Variants in DNASE1L3 observed in about 807,000 individuals in gnomAD.
The protein encoded by DNASE1L3 is deoxyribonuclease gamma.
Under a neutral mutation model 30.9 loss-of-function variants are expected in DNASE1L3, and 27 were observed. That is an observed-to-expected ratio of 0.87 (90% CI 0.64 to 1.20). DNASE1L3 has a LOEUF of 1.20. Among genes scored for constraint, DNASE1L3 ranks in the 50% most tolerant of loss-of-function variants. DNASE1L3 has a pLI of 0.00. For synonymous variants in DNASE1L3, 135 were observed against 138.0 expected, an observed-to-expected ratio of 0.98 and a Z score of 0.15; for missense variants, 364 against 378.2, an observed-to-expected ratio of 0.96 and a Z score of 0.31.
chr3:58,207,696 C>G (rs2097405045), intron 2 of DNASE1L3: 1 of 152,472 alleles, frequency 6.6e-6, no homozygotes, highest in African/African-American at 2.4e-5. Flanking sequence ...GGGTCTTGCT[C>G]TGTGGCCCAG....
At chr3:58,202,811 C>T (rs1298738509) in intron 4 of DNASE1L3, among the ~76,000 whole-genome samples, 1 of 151,660 alleles carries the variant, frequency 6.6e-6, no homozygotes, top group Non-Finnish European at 1.5e-5. Context: ...CTAGATCACG[C>T]CACTGCACTC....
At chr3:58,199,220 T>C (rs2097399118) in intron 5 of DNASE1L3, among the ~76,000 whole-genome samples, 1 of 152,220 alleles carries the variant, frequency 6.6e-6, no homozygotes. Context: ...ACATTCACTA[T>C]GTGCCAGGCC....
rs550648967 is a variant in DNASE1L3, at chr3:58,200,737, A to C, written c.546+260T>G. 6.6e-6 allele frequency among the ~76,000 whole-genome samples: 1 copy of C among 152,342 alleles called. No individual in the cohort carries two copies. Among genetic ancestry groups the C allele is most frequent in the South Asian group, 2.1e-4 (1 of 4,822 alleles). On this transcript the variant is annotated intron_variant, in intron 5 of 7. Coordinates refer to ENST00000394549, the MANE Select transcript of DNASE1L3 (RefSeq NM_004944.4). The surrounding 1 kb of genome is among the most constrained non-coding windows in gnomAD (Gnocchi z 4.2). ...GTCAAGTCTCAGCACAGTGCCTGGC[A>C]CTAGCTATTCACTCAGTAAATGTTG... is the stretch of plus-strand genomic sequence containing the variant.
rs771697274 is a variant in DNASE1L3 at position 58,197,817 on chromosome 3, C to T, written c.704+4G>A. The T allele has an allele frequency of 3.4e-5, 55 of 1,613,534 alleles. No homozygotes were observed. Among genetic ancestry groups the T allele is most frequent in the Non-Finnish European group, 4.2e-5 (49 of 1,180,024 alleles). On this transcript the variant is annotated splice_donor_region_variant and intron_variant, in intron 6 of 7. Coordinates refer to ENST00000394549, the MANE Select transcript of DNASE1L3 (RefSeq NM_004944.4). This position sits in a 1 kb window ranked among gnomAD's most constrained non-coding sequence, Gnocchi z 5.3. ...AGCCAGCAGCACCCTGCAGGGCCTCCTACCTGTCATATGCACAGTTGGTGC... is the reference window on the plus strand; with the variant it reads ...AGCCAGCAGCACCCTGCAGGGCCTCTTACCTGTCATATGCACAGTTGGTGC...
In DNASE1L3 at chr3:58,206,734, A is replaced by T. The variant is rs1447316911; in HGVS notation, c.231-1174T>A. 2.0e-5 allele frequency among the ~76,000 whole-genome samples: 3 copies of T among 152,132 alleles called. No individual in the cohort carries two copies. In the East Asian group the frequency reaches 5.8e-4, roughly 29 times the overall value. ...CAGTCCCCCACAAACCTGTCCCCTC[A>T]GTCTCCCATAAACCTGACTGGGGAC... On this transcript the variant is annotated intron_variant, in intron 2 of 7. Coordinates refer to ENST00000394549, the MANE Select transcript of DNASE1L3 (RefSeq NM_004944.4).
intron 5 of DNASE1L3, among the ~76,000 whole-genome samples, chr3:58,198,240 C>G (rs981544488): frequency 6.6e-6 from 1 of 152,152 alleles, no homozygotes; most frequent in African/African-American, 2.4e-5. Context: ...TGGATGGGCT[C>G]TAATCCAATA....
chr3:58,209,990 T>C (rs145708595), intron 1 of DNASE1L3, among the ~76,000 whole-genome samples: 80 of 152,112 alleles, frequency 5.3e-4, no homozygotes, highest in African/African-American at 1.7e-3. Flanking sequence ...CCCCGGACAT[T>C]GGGTATATCA....
Position 58,192,336 on chromosome 3 carries a change from G to C in DNASE1L3, c.*351C>G, listed in dbSNP as rs2097394743. On this transcript the variant is annotated 3_prime_UTR_variant, in exon 8 of 8. Coordinates refer to ENST00000394549, the MANE Select transcript of DNASE1L3 (RefSeq NM_004944.4). The surrounding 1 kb of genome is among the most constrained non-coding windows in gnomAD (Gnocchi z 4.8). ...GTTTCTGGTCATTGCGTGTGGAACA[G>C]GACCCCTCATGAGGACTGAAAGCTG... 1 of 181,380 alleles carries C rather than the reference G, an allele frequency of 5.5e-6. No individual in the cohort carries two copies. Among genetic ancestry groups the C allele is most frequent in the African/African-American group, 2.4e-5 (1 of 41,780 alleles). The allele number at this position is 181,380 out of a possible 1,614,324, so 11.2% of individuals were successfully genotyped here. A position where few individuals can be genotyped will look rare whatever the true frequency, so the allele number is the denominator to read the frequency against.
Position 58,192,483 on chromosome 3 carries a change from CT to C in DNASE1L3, c.*203del. The C allele has an allele frequency of 2.2e-6, 1 of 464,086 alleles. No homozygotes were observed. The highest frequency in any genetic ancestry group is 3.7e-6 in the Non-Finnish European group (1 of 271,858). The allele number at this position is 464,086 out of a possible 1,614,324, so 28.7% of individuals were successfully genotyped here. A position where few individuals can be genotyped will look rare whatever the true frequency, so the allele number is the denominator to read the frequency against. ...TTGGTCTACAAATGCCCCTGGTTCCCTTTTAGACAATTCAGGGGAGGTATGA... is the reference window on the plus strand; with the variant it reads ...TTGGTCTACAAATGCCCCTGGTTCCCTTTAGACAATTCAGGGGAGGTATGA... On this transcript the variant is annotated 3_prime_UTR_variant, in exon 8 of 8. Coordinates refer to ENST00000394549, the MANE Select transcript of DNASE1L3 (RefSeq NM_004944.4). This position sits in a 1 kb window ranked among gnomAD's most constrained non-coding sequence, Gnocchi z 4.8.
At chr3:58,199,759 C>T (rs545670176) in intron 5 of DNASE1L3, among the ~76,000 whole-genome samples, 2 of 152,160 alleles carry the variant, frequency 1.3e-5, no homozygotes, top group African/African-American at 4.8e-5. Flanking sequence ...TCCCCACAGC[C>T]CAACACTCAA....
Position 58,200,986 on chromosome 3 carries a change from G to C in DNASE1L3, c.546+11C>G. The stretch of plus-strand genomic sequence containing the variant: ...GCTAGATGGGAATTCGTCTGACACA[G>C]CAGTCCTCACCTCCGCCTTCCAGCG... On this transcript the variant is annotated intron_variant, in intron 5 of 7. Transcript: ENST00000394549. This position sits in a 1 kb window ranked among gnomAD's most constrained non-coding sequence, Gnocchi z 4.2. 6.2e-7 allele frequency: 1 copy of C among 1,607,200 alleles called. No individual in the cohort carries two copies. The highest frequency in any genetic ancestry group is 1.7e-5 in the Admixed American group (1 of 59,632).
rs2074125928 is a variant in DNASE1L3, at chr3:58,210,854, G to A, written c.53C>T (p.Ala18Val). The A allele has an allele frequency of 1.2e-6, 2 of 1,614,148 alleles. No homozygotes were observed. The highest frequency in any genetic ancestry group is 1.7e-5 in the Admixed American group (1 of 60,028). ...LLLLLLSIHS[A>V]LAMRICSFNV... ...GAAGGAGCAGATCCTCATGGCCAGG[G>A]CGCTGTGGATGGAGAGGAGGAGAAG... The change falls in exon 1 of 8, where the codon GCC (alanine) becomes GTC (valine). Residue 18 changes from alanine (A) to valine (V), a missense_variant. Ala to Val is a moderately conservative substitution (Grantham distance 64). Transcript: ENST00000394549.
intron 6 of DNASE1L3, among the ~76,000 whole-genome samples, chr3:58,193,969 G>A (rs1043007422): frequency 1.2e-4 from 18 of 152,056 alleles, no homozygotes; most frequent in Non-Finnish European, 2.4e-4. Context: ...TTCAATTTAT[G>A]GCAAATGCTG....
chr3:58,209,424 T>C (rs1181831251), intron 1 of DNASE1L3, among the ~76,000 whole-genome samples: 1 of 152,188 alleles, frequency 6.6e-6, no homozygotes, highest in Non-Finnish European at 1.5e-5. Context: ...GGGAAAATCA[T>C]TGCCTTGCAT....
intron 4 of DNASE1L3, among the ~76,000 whole-genome samples, chr3:58,204,175 C>G (rs977177064): frequency 6.7e-6 from 1 of 150,052 alleles, no homozygotes; most frequent in Non-Finnish European, 1.5e-5. Flanking sequence ...GAGTCTCACT[C>G]TATCGCCCAA....
chr3:58,198,112 C>T lies in DNASE1L3; in HGVS notation c.547-134G>A, dbSNP rs184076070. Reference sequence around the variant, plus strand: ...TGTTATGGGCTGAATCTTGTCTACCCCCTGCTCCCGCCCCGGCCAAATTCC... The same window carrying T: ...TGTTATGGGCTGAATCTTGTCTACCTCCTGCTCCCGCCCCGGCCAAATTCC... On this transcript the variant is annotated intron_variant, in intron 5 of 7. Transcript: ENST00000394549. 4.8e-6 allele frequency: 5 copies of T among 1,041,650 alleles called. No homozygotes were observed. In the East Asian group the frequency reaches 1.1e-4, roughly 22 times the overall value. The allele number at this position is 1,041,650 out of a possible 1,614,324, so 64.5% of individuals were successfully genotyped here. A position where few individuals can be genotyped will look rare whatever the true frequency, so the allele number is the denominator to read the frequency against.
At position 58,195,309 on chromosome 3, in the gene DNASE1L3, A is replaced by T. The variant is rs972130791; in HGVS notation, c.705-1870T>A. 2.6e-5 allele frequency among the ~76,000 whole-genome samples: 4 copies of T among 152,260 alleles called. No homozygotes were observed. The East Asian group carries it at 7.7e-4, about 29-fold the overall frequency. ...ACTTTTTATTTTATTGTATTGAGAC[A>T]GGTCTCACTATGTTGTCCAGGCTGG... is the stretch of plus-strand genomic sequence containing the variant. On this transcript the variant is annotated intron_variant, in intron 6 of 7. Coordinates refer to ENST00000394549, the MANE Select transcript of DNASE1L3 (RefSeq NM_004944.4).
chr3:58,194,364 A>G (rs1164203277), intron 6 of DNASE1L3, among the ~76,000 whole-genome samples: 1 of 121,704 alleles, frequency 8.2e-6, no homozygotes, highest in Non-Finnish European at 1.6e-5. Context: ...TCTGTCACCC[A>G]GGTTGGAGTG....
intron 5 of DNASE1L3, 127 bp from the exon 6 acceptor site, chr3:58,198,105 G>T (rs1369503120): frequency 5.4e-6 from 6 of 1,106,818 alleles, no homozygotes; most frequent in Non-Finnish European, 7.5e-6. Flanking sequence ...GCTGAATCTT[G>T]TCTACCCCCT....
Sources: gnomAD v4.1 joint callset for allele counts (sites outside exome capture counted in the v4.1 genomes callset) on GRCh38, gnomAD v4.1.1 for gene constraint, Gnocchi (gnomAD v3.1) non-coding constraint, MANE v1.5 for transcripts, NCBI Gene and HGNC (gene_info 2026-07-23, HGNC 2026-07-21) for gene names.